Variants in UHRF1 observed in about 807,000 individuals in gnomAD.
UHRF1 encodes E3 ubiquitin-protein ligase UHRF1.
A neutral mutation model predicts 96.5 loss-of-function variants in UHRF1; 9 were observed. The observed-to-expected ratio is 0.09, with a 90% CI of 0.06 to 0.16. The LOEUF is 0.16. Ranked by LOEUF, UHRF1 falls within the 10% of genes least tolerant of loss-of-function variation. UHRF1 has a pLI of 1.00. For synonymous variants in UHRF1, 455 were observed against 469.9 expected (o/e 0.97, Z 0.41); for missense variants, 626 against 1,131.1 (o/e 0.55, Z 6.40).
intron 2 of UHRF1, among the ~76,000 whole-genome samples, chr19:4,915,436 G>A (rs557738116): frequency 6.6e-6 from 1 of 152,190 alleles, no homozygotes; most frequent in Non-Finnish European, 1.5e-5. Context: ...AGGTATGGCG[G>A]GGCCCAGTGG....
At chr19:4,909,970 G>T (rs2032190588) in intron 1 of UHRF1, among the ~76,000 whole-genome samples, 1 of 150,782 alleles carries the variant, frequency 6.6e-6, no homozygotes, top group African/African-American at 2.4e-5. Flanking sequence ...TTCAATTGTC[G>T]CGCCCGAGCC....
intron 10 of UHRF1, 106 bp downstream of exon 10, chr19:4,946,071 G>C (rs1400249529): frequency 6.0e-6 from 5 of 831,612 alleles, no homozygotes; most frequent in Middle Eastern, 6.3e-4. Flanking sequence ...TAAATGCTTG[G>C]TTCCCGGTGG....
At position 4,932,922 on chromosome 19, in the gene UHRF1, A is replaced by G. The variant is rs767215556; in HGVS notation, c.751A>G (p.Thr251Ala). The G allele has an allele frequency of 1.2e-6, 2 of 1,613,372 alleles. No individual in the cohort carries two copies. Among genetic ancestry groups the G allele is most frequent in the South Asian group, 2.2e-5 (2 of 91,064 alleles). Residue 251 changes from threonine to alanine, a missense_variant, in exon 5 of 17, where the codon ACG (threonine) becomes GCG (alanine). By Grantham distance (58) the Thr-to-Ala change is moderately conservative. Around this residue, in one of 11 missense-constraint regions of UHRF1, gnomAD observed 198 missense variants for 235.1 expected, o/e 0.84. Coordinates refer to ENST00000650932, the MANE Select transcript of UHRF1 (RefSeq NM_001048201.3). ...GATCTCCAGGAAGCGCGAGACCAGG[A>G]CGGCGCGGGAACTCTACGCCAACGT... ...AEISRKRETR[T>A]ARELYANVVL...
rs1331734839 is a variant in UHRF1, at chr19:4,961,043, A to G, written c.*240A>G. 1 of 165,674 alleles carries G rather than the reference A, an allele frequency of 6.0e-6. No homozygotes were observed. The highest frequency in any genetic ancestry group is 5.6e-5 in the African/African-American group (1 of 17,906). 10.3% of individuals were successfully genotyped at this position (165,674 alleles called of 1,614,324 possible). A position where few individuals can be genotyped will look rare whatever the true frequency, so the allele number is the denominator to read the frequency against. On this transcript the variant is annotated 3_prime_UTR_variant, in exon 17 of 17. Coordinates refer to ENST00000650932, the MANE Select transcript of UHRF1 (RefSeq NM_001048201.3). Reference sequence around the variant, plus strand: ...ATTGTGTTTAGTTCTTTGAAAACATAAAAGCCTGCAATTTCTCGACAAAAC... The same window carrying G: ...ATTGTGTTTAGTTCTTTGAAAACATGAAAGCCTGCAATTTCTCGACAAAAC...
intron 11 of UHRF1, among the ~76,000 whole-genome samples, chr19:4,949,842 G>A (rs2033669722): frequency 2.1e-5 from 2 of 94,262 alleles, no homozygotes; most frequent in African/African-American, 9.2e-5. Context: ...TTCTCTTTTT[G>A]TTTGTTTTTT....
upstream of UHRF1, among the ~76,000 whole-genome samples, chr19:4,908,474 C>T (rs1182855831): frequency 6.6e-6 from 1 of 152,144 alleles, no homozygotes; most frequent in Non-Finnish European, 1.5e-5. Context: ...TCCCCCTCCC[C>T]TTTGCTCAGT....
At chr19:4,921,135 AAAAG>A (rs917254787) in intron 2 of UHRF1, among the ~76,000 whole-genome samples, 2 of 148,476 alleles carry the variant, frequency 1.3e-5, no homozygotes, top group African/African-American at 2.5e-5. Context: ...AAAAGAAAAA[AAAAG>A]AAAGAAAATC....
At chr19:4,947,019 CA>C (rs2033585922) in intron 10 of UHRF1, 85 bp from the exon 11 acceptor site, 1 of 1,005,482 alleles carries the variant, frequency 9.9e-7, no homozygotes, top group Admixed American at 2.2e-5. Flanking sequence ...TGAAAGTAGC[CA>C]TCCTGGGGAG....
At chr19:4,909,752 G>C (rs1159286507) in intron 1 of UHRF1, 97 bp downstream of exon 1, 2 of 487,772 alleles carry the variant, frequency 4.1e-6, no homozygotes, top group Non-Finnish European at 7.2e-6. Context: ...CCGGGCGCAC[G>C]CATGTCCCGC....
At chr19:4,926,924 T>G (rs1373749704) in intron 2 of UHRF1, among the ~76,000 whole-genome samples, 1 of 151,984 alleles carries the variant, frequency 6.6e-6, no homozygotes, top group Non-Finnish European at 1.5e-5. Context: ...TTAGCCGGGC[T>G]TGGTGGCGGG....
chr19:4,950,546 T>C, intron 11 of UHRF1, 65 bp from the exon 12 acceptor site: 1 of 1,546,232 alleles, frequency 6.5e-7, no homozygotes, highest in East Asian at 2.3e-5. Flanking sequence ...TCCCGGCTCC[T>C]GTGTTTCCTT....
chr19:4,942,741 T>C (rs1000145592), intron 7 of UHRF1, among the ~76,000 whole-genome samples: 4 of 152,198 alleles, frequency 2.6e-5, no homozygotes, highest in African/African-American at 9.6e-5. Context: ...TGAGCCACCA[T>C]GCCTGGCCTG....
At chr19:4,947,488 A>ATTTTT (rs1568427975) in intron 11 of UHRF1, among the ~76,000 whole-genome samples, 3 of 70,370 alleles carry the variant, frequency 4.3e-5, no homozygotes, top group South Asian at 5.2e-4. Context: ...GATAATAGAT[A>ATTTTT]TCTTTTTTTT....
At chr19:4,912,211 CG>C (rs1355059078) in intron 2 of UHRF1, among the ~76,000 whole-genome samples, 2 of 152,176 alleles carry the variant, frequency 1.3e-5, no homozygotes, top group African/African-American at 4.8e-5. Flanking sequence ...GTGCAAGCCG[CG>C]TGTGTGCAGA....
At chr19:4,914,588 G>T (rs777152088) in intron 2 of UHRF1, among the ~76,000 whole-genome samples, 1 of 152,012 alleles carries the variant, frequency 6.6e-6, no homozygotes, top group Non-Finnish European at 1.5e-5. Context: ...CTGATCGAGG[G>T]CAGTGACTTT....
intron 1 of UHRF1, chr19:4,910,009 A>C (rs2602713): frequency 0.54 from 93,322 of 172,046 alleles, 28,743 homozygotes; most frequent in African/African-American, 0.85. Context: ...GTTCCCCGGG[A>C]GCATCTGGGC....
intron 2 of UHRF1, among the ~76,000 whole-genome samples, chr19:4,911,968 G>C (rs1281882676): frequency 6.6e-6 from 1 of 152,160 alleles, no homozygotes; most frequent in Non-Finnish European, 1.5e-5. Context: ...CTGCCATCTG[G>C]TGTCTAGGTT....
chr19:4,946,712 C>A (rs537821212), intron 10 of UHRF1, among the ~76,000 whole-genome samples: 72 of 152,116 alleles, frequency 4.7e-4, no homozygotes, highest in African/African-American at 1.7e-3. Flanking sequence ...GAAGCTGGGA[C>A]TACAGGCAGG....
At chr19:4,948,834 A>G (rs2033640406) in intron 11 of UHRF1, among the ~76,000 whole-genome samples, 1 of 149,246 alleles carries the variant, frequency 6.7e-6, no homozygotes, top group Non-Finnish European at 1.5e-5. Flanking sequence ...CGTAGAAGAA[A>G]GCAAAGAGGC....
Sources: allele counts gnomAD v4.1 joint callset (sites outside exome capture counted in the v4.1 genomes callset), GRCh38; gene constraint gnomAD v4.1.1; regional missense constraint gnomAD v4.1.1; transcripts MANE v1.5; gene names NCBI Gene and HGNC (gene_info 2026-07-23, HGNC 2026-07-21).